Variants in SPATA9 observed in about 807,000 individuals in gnomAD.
SPATA9 encodes the protein spermatogenesis-associated protein 9.
In SPATA9, 27 loss-of-function variants were observed where a neutral mutation model predicts 25.5. The ratio of observed to expected loss-of-function variants is 1.06; its 90% CI spans 0.78 to 1.46. The LOEUF (loss-of-function observed/expected upper bound fraction) is 1.46, where lower values mean the gene tolerates loss of function less well. SPATA9 is among the 40% of genes most tolerant of loss of function. SPATA9 has a pLI of 0.00. For synonymous variants in SPATA9, 102 were observed against 105.7 expected, an observed-to-expected ratio of 0.97 and a Z score of 0.21; for missense variants, 282 against 297.5, an observed-to-expected ratio of 0.95 and a Z score of 0.38.
chr5:95,684,990 T>C (rs147848568), upstream of SPATA9, among the ~76,000 whole-genome samples: 313 of 152,280 alleles, frequency 2.1e-3, 1 homozygote, highest in African/African-American at 6.9e-3. Context: ...AAATGAACAT[T>C]TTACATAATC....
At chr5:95,708,615 T>A in the SPATA9 span, 1 of 696,372 alleles carries the variant, frequency 1.4e-6, no homozygotes, top group East Asian at 2.7e-5. Context: ...AGTCAACATT[T>A]TGGAGTTCTT....
the SPATA9 span, among the ~76,000 whole-genome samples, chr5:95,708,268 A>T: frequency 2.0e-5 from 3 of 152,200 alleles, no homozygotes; most frequent in African/African-American, 7.2e-5. Flanking sequence ...CACCTAGAGC[A>T]GTCAAAGGCC....
At chr5:95,710,259 T>C in the SPATA9 span, among the ~76,000 whole-genome samples, 11 of 152,170 alleles carry the variant, frequency 7.2e-5, no homozygotes, top group African/African-American at 2.7e-4. Context: ...TTCGGTAGTT[T>C]CTAACAGTTC....
Position 95,693,714 on chromosome 5 carries a change from C to T in SPATA9, n.124+4874G>A, listed in dbSNP as rs772179047. On this transcript the variant is annotated intron_variant and non_coding_transcript_variant, in intron 1 of 2. Coordinates refer to the SPATA9 transcript ENST00000379990. ...CTGATTAAAAAATAGGTCTTATTTT[C>T]GCCTTAGAAAATTTTTTGTTATAAA... Among the ~76,000 whole-genome samples the T allele has an allele frequency of 3.8e-4, 58 of 152,184 alleles. 1 individual carries two copies. Among genetic ancestry groups the T allele is most frequent in the African/African-American group, 1.1e-3 (47 of 41,532 alleles).
chr5:95,698,403 T>C (rs1467653677), intron 1 of SPATA9, among the ~76,000 whole-genome samples: 1 of 152,154 alleles, frequency 6.6e-6, no homozygotes, highest in Non-Finnish European at 1.5e-5. Context: ...GCAGGCTCCA[T>C]CTGAAGGGGC....
the SPATA9 span, among the ~76,000 whole-genome samples, chr5:95,729,944 T>A: frequency 6.6e-5 from 10 of 152,220 alleles, no homozygotes; most frequent in Non-Finnish European, 8.8e-5. Flanking sequence ...GACTTATGGG[T>A]TTCCGGAAAA....
chr5:95,661,112 G>A (rs1304177808), intron 4 of SPATA9, among the ~76,000 whole-genome samples: 2 of 151,824 alleles, frequency 1.3e-5, no homozygotes, highest in African/African-American at 4.8e-5. Context: ...ATATCTAATG[G>A]ACACTTCAAA....
intron 4 of SPATA9, among the ~76,000 whole-genome samples, chr5:95,662,865 A>G (rs1580289642): frequency 1.3e-5 from 2 of 152,334 alleles, no homozygotes; most frequent in East Asian, 1.9e-4. Context: ...TAAAACCACA[A>G]TGTGATTATA....
rs139441531 is a variant in SPATA9 at position 95,659,063 on chromosome 5, TATA to T, written c.475-153_475-151del. On this transcript the variant is annotated intron_variant, in intron 4 of 4. Transcript: ENST00000274432. ...CTTTTCAGGACCTTCAGGTACATAA[TATA>T]ATAAGCATTGGGAGATTGTTCTAAA... The T allele has an allele frequency of 2.4e-3, 2,327 of 983,162 alleles. 39 individuals carry two copies. The African/African-American group carries it at 0.035, about 15-fold the overall frequency. The allele number at this position is 983,162 out of a possible 1,614,324, so 60.9% of individuals were successfully genotyped here.
intron 3 of SPATA9, among the ~76,000 whole-genome samples, chr5:95,665,383 G>A (rs1482372352): frequency 6.6e-6 from 1 of 152,024 alleles, no homozygotes; most frequent in Non-Finnish European, 1.5e-5. Flanking sequence ...TCCCTACCTA[G>A]TCTCTGGTAA....
At chr5:95,686,536 G>T (rs1331264534), upstream of SPATA9, among the ~76,000 whole-genome samples, 2 of 152,146 alleles carry the variant, frequency 1.3e-5, no homozygotes, top group Non-Finnish European at 2.9e-5. Context: ...AAGTATGATT[G>T]TGTATCACCT....
chr5:95,722,688 C>G, the SPATA9 span, among the ~76,000 whole-genome samples: 32 of 152,196 alleles, frequency 2.1e-4, no homozygotes, highest in Non-Finnish European at 4.0e-4. Context: ...CAGGGTTTCA[C>G]CTTGTTGGCC....
intron 4 of SPATA9, among the ~76,000 whole-genome samples, chr5:95,662,586 C>T (rs1561395672): frequency 6.6e-6 from 1 of 151,868 alleles, no homozygotes; most frequent in Non-Finnish European, 1.5e-5. Flanking sequence ...CCTTAAAAGA[C>T]ATTATTAAAA....
At chr5:95,659,359 G>C (rs1751038322) in intron 4 of SPATA9, 1 of 155,960 alleles carries the variant, frequency 6.4e-6, no homozygotes, top group Admixed American at 6.3e-5. Context: ...AATTTAGTAA[G>C]CTACTATCAG....
chr5:95,662,237 TACCTC>T (rs1220409883), intron 4 of SPATA9, among the ~76,000 whole-genome samples: 2 of 152,192 alleles, frequency 1.3e-5, no homozygotes, highest in Non-Finnish European at 2.9e-5. Context: ...ATTTGACTCT[TACCTC>T]ATATTAGTTC....
the SPATA9 span, among the ~76,000 whole-genome samples, chr5:95,724,331 ATC>A: frequency 2.0e-5 from 3 of 152,254 alleles, no homozygotes; most frequent in Non-Finnish European, 2.9e-5. Context: ...AATGTTACTC[ATC>A]TGTTTCTGAA....
chr5:95,725,111 G>A, the SPATA9 span, among the ~76,000 whole-genome samples: 2 of 152,116 alleles, frequency 1.3e-5, no homozygotes, highest in African/African-American at 4.8e-5. Flanking sequence ...GATCCTAGCA[G>A]CTTTGTTTAT....
the SPATA9 span, among the ~76,000 whole-genome samples, chr5:95,727,487 A>AT: frequency 6.6e-6 from 1 of 152,204 alleles, no homozygotes; most frequent in Non-Finnish European, 1.5e-5. Context: ...TTATTTAGGG[A>AT]TAAAAACATC....
chr5:95,678,648 A>G (rs985540345), intron 2 of SPATA9, among the ~76,000 whole-genome samples: 1 of 152,218 alleles, frequency 6.6e-6, no homozygotes, highest in Non-Finnish European at 1.5e-5. Flanking sequence ...ATTTTAAGAT[A>G]CAACCCAATT....
Sources: gnomAD v4.1 joint callset for allele counts (sites outside exome capture counted in the v4.1 genomes callset) on GRCh38, gnomAD v4.1.1 for gene constraint, MANE v1.5 for transcripts, NCBI Gene and HGNC (gene_info 2026-07-23, HGNC 2026-07-21) for gene names.